Variants in CSNK2A2IP observed in about 807,000 individuals in gnomAD.
CSNK2A2IP encodes the protein casein kinase II subunit alpha'-interacting protein.
At chr3:88,410,300 T>A in the CSNK2A2IP span, among the ~76,000 whole-genome samples, 1 of 152,058 alleles carries the variant, frequency 6.6e-6, no homozygotes, top group South Asian at 2.1e-4. Flanking sequence ...GCTTTTTTTA[T>A]AGAGTGATTT....
chr3:88,374,567 A>G, the CSNK2A2IP span, among the ~76,000 whole-genome samples: 2 of 151,672 alleles, frequency 1.3e-5, no homozygotes, highest in African/African-American at 4.8e-5. Flanking sequence ...TTCTCTCTAC[A>G]TACATTTATT....
At chr3:88,431,743 C>T in the CSNK2A2IP span, among the ~76,000 whole-genome samples, 1 of 152,016 alleles carries the variant, frequency 6.6e-6, no homozygotes, top group Non-Finnish European at 1.5e-5. Context: ...CTTCTGCCAA[C>T]AGCAACAAAA....
chr3:88,425,543 ATAAC>A, the CSNK2A2IP span, among the ~76,000 whole-genome samples: 1 of 152,164 alleles, frequency 6.6e-6, no homozygotes, highest in Non-Finnish European at 1.5e-5. Flanking sequence ...TGTCAATTGT[ATAAC>A]TAATATACAA....
At chr3:88,359,682 T>C in the CSNK2A2IP span, among the ~76,000 whole-genome samples, 4 of 152,024 alleles carry the variant, frequency 2.6e-5, no homozygotes, top group African/African-American at 9.7e-5. Flanking sequence ...TCCAAAGTTC[T>C]TCTTGTTATT....
chr3:88,352,352 G>GA, the CSNK2A2IP span, among the ~76,000 whole-genome samples: 622 of 152,018 alleles, frequency 4.1e-3, 1 homozygote, highest in African/African-American at 0.014. Context: ...TGCACCCTTT[G>GA]AAAAAATTGA....
At chr3:88,396,180 C>T in the CSNK2A2IP span, among the ~76,000 whole-genome samples, 3 of 148,066 alleles carry the variant, frequency 2.0e-5, no homozygotes, top group Non-Finnish European at 4.4e-5. Context: ...TCTCGGCTCA[C>T]TGCAGGCTCC....
chr3:88,353,928 G>A, the CSNK2A2IP span, among the ~76,000 whole-genome samples: 5 of 152,142 alleles, frequency 3.3e-5, no homozygotes, highest in African/African-American at 1.2e-4. Context: ...TCCCCAGTGT[G>A]GGAGGTGTTT....
At chr3:88,416,271 T>TAAAAA in the CSNK2A2IP span, among the ~76,000 whole-genome samples, 1 of 117,998 alleles carries the variant, frequency 8.5e-6, no homozygotes. Flanking sequence ...GACTCCCTAT[T>TAAAAA]AAAAAAAAAA....
At chr3:88,441,760 A>G in the CSNK2A2IP span, among the ~76,000 whole-genome samples, 1 of 152,148 alleles carries the variant, frequency 6.6e-6, no homozygotes, top group Non-Finnish European at 1.5e-5. Flanking sequence ...TATTCATTTT[A>G]AACTGATTGT....
chr3:88,348,386 C>T, the CSNK2A2IP span, among the ~76,000 whole-genome samples: 5 of 151,976 alleles, frequency 3.3e-5, no homozygotes, highest in African/African-American at 7.2e-5. Flanking sequence ...AGTTTCGAAA[C>T]GGTATCAGTG....
the CSNK2A2IP span, among the ~76,000 whole-genome samples, chr3:88,451,731 C>CTTT: frequency 6.9e-4 from 99 of 143,440 alleles, no homozygotes; most frequent in African/African-American, 2.1e-3. Context: ...ATCTCTCTCT[C>CTTT]TTTTTTTTTT....
At chr3:88,408,983 T>G in the CSNK2A2IP span, among the ~76,000 whole-genome samples, 1 of 152,024 alleles carries the variant, frequency 6.6e-6, no homozygotes, top group Non-Finnish European at 1.5e-5. Flanking sequence ...GGCCCAGGAA[T>G]AGTGTAATTA....
At chr3:88,409,895 T>C in the CSNK2A2IP span, among the ~76,000 whole-genome samples, 7 of 152,076 alleles carry the variant, frequency 4.6e-5, no homozygotes, top group African/African-American at 1.5e-4. Flanking sequence ...GGAACAGTTA[T>C]GAAAGCAATG....
At chr3:88,401,621 A>G in the CSNK2A2IP span, among the ~76,000 whole-genome samples, 1 of 152,088 alleles carries the variant, frequency 6.6e-6, no homozygotes, top group Admixed American at 6.6e-5. Flanking sequence ...GTTTATTAGG[A>G]TTATCAGGCT....
chr3:88,442,673 G>A, the CSNK2A2IP span, among the ~76,000 whole-genome samples: 1 of 151,826 alleles, frequency 6.6e-6, no homozygotes, highest in Non-Finnish European at 1.5e-5. Context: ...AGGAAACTGA[G>A]GCTTACAGAA....
the CSNK2A2IP span, among the ~76,000 whole-genome samples, chr3:88,381,631 C>T: frequency 6.6e-6 from 1 of 152,112 alleles, no homozygotes; most frequent in African/African-American, 2.4e-5. Flanking sequence ...TCTTCAGACT[C>T]CAAGCATGGA....
the CSNK2A2IP span, among the ~76,000 whole-genome samples, chr3:88,375,522 C>G: frequency 0.038 from 5,716 of 151,678 alleles, 263 homozygotes; most frequent in African/African-American, 0.11. Flanking sequence ...TGTCAGTGAT[C>G]TAGTCACAGC....
At chr3:88,383,564 C>G in the CSNK2A2IP span, among the ~76,000 whole-genome samples, 3 of 151,232 alleles carry the variant, frequency 2.0e-5, no homozygotes, top group Admixed American at 2.0e-4. Flanking sequence ...GCCTAAGTGG[C>G]GTTTTTTGTG....
At chr3:88,353,898 A>T in the CSNK2A2IP span, among the ~76,000 whole-genome samples, 4 of 151,866 alleles carry the variant, frequency 2.6e-5, no homozygotes, top group African/African-American at 7.3e-5. Context: ...ATCCCCTCCA[A>T]CTCTTATGTT....
Sources: allele counts gnomAD v4.1 joint callset (sites outside exome capture counted in the v4.1 genomes callset), GRCh38; gene constraint gnomAD v4.1.1; transcripts MANE v1.5; gene names NCBI Gene and HGNC (gene_info 2026-07-23, HGNC 2026-07-21).